SAMMSON: variants seen among roughly 807,000 people sequenced by gnomAD.
The protein encoded by SAMMSON is survival associated mitochondrial melanoma specific oncogenic non-coding RNA, also known as long intergenic non-protein coding RNA 1212.
chr3:70,206,717 GT>G, intron 4 of SAMMSON: 1 of 397,800 alleles, frequency 2.5e-6, no homozygotes, highest in Non-Finnish European at 4.4e-6. Flanking sequence ...TGATATTGAA[GT>G]CAGATACTGA....
chr3:70,253,510 T>G (rs1320047825), intron 6 of SAMMSON, among the ~76,000 whole-genome samples: 1 of 152,168 alleles, frequency 6.6e-6, no homozygotes, highest in Non-Finnish European at 1.5e-5. Context: ...TCCCAGCACT[T>G]TGGGAGGCCA....
chr3:70,177,447 G>A (rs1475128397), intron 4 of SAMMSON, among the ~76,000 whole-genome samples: 3 of 152,204 alleles, frequency 2.0e-5, no homozygotes, highest in Non-Finnish European at 4.4e-5. Flanking sequence ...TGAAAGGAGA[G>A]AGATACGACA....
At chr3:70,092,645 G>A (rs913588226) in intron 4 of SAMMSON, among the ~76,000 whole-genome samples, 8 of 151,856 alleles carry the variant, frequency 5.3e-5, no homozygotes, top group Admixed American at 2.6e-4. Flanking sequence ...GCATAAACTC[G>A]TTCTGTATTC....
chr3:70,309,939 G>C (rs1024049601), intron 7 of SAMMSON, among the ~76,000 whole-genome samples: 11 of 152,096 alleles, frequency 7.2e-5, no homozygotes, highest in Non-Finnish European at 1.0e-4. Flanking sequence ...GGAAACAATT[G>C]ATTGGCCTAT....
At chr3:70,105,326 C>A (rs2067363307) in intron 4 of SAMMSON, among the ~76,000 whole-genome samples, 1 of 152,170 alleles carries the variant, frequency 6.6e-6, no homozygotes, top group African/African-American at 2.4e-5. Context: ...TACCACCACA[C>A]AATAACTGTC....
At chr3:70,138,973 C>G (rs1253158272) in intron 4 of SAMMSON, among the ~76,000 whole-genome samples, 1 of 152,136 alleles carries the variant, frequency 6.6e-6, no homozygotes, top group African/African-American at 2.4e-5. Flanking sequence ...CCTCAAATTC[C>G]TAGGCTCAAG....
intron 5 of SAMMSON, chr3:70,249,477 A>G (rs1701739373): frequency 1.3e-5 from 2 of 152,112 alleles, no homozygotes; most frequent in Non-Finnish European, 2.9e-5. Context: ...GCAGGATACA[A>G]TTTCAATTTT....
chr3:70,052,845 C>T lies in SAMMSON; in HGVS notation n.418-18631C>T, dbSNP rs532670331. 3.9e-5 allele frequency among the ~76,000 whole-genome samples: 6 copies of T among 152,218 alleles called. 1 individual carries two copies. In the South Asian group the frequency reaches 1.2e-3, roughly 32 times the overall value. ...CAAAATTGCCCTCATTTGAGAAGCA[C>T]TGGCTTAGATTGATATATATGTATT... On this transcript the variant is annotated intron_variant and non_coding_transcript_variant, in intron 3 of 9. Coordinates refer to ENST00000642114, the Ensembl canonical transcript of SAMMSON.
intron 4 of SAMMSON, among the ~76,000 whole-genome samples, chr3:70,204,321 T>G (rs1319546359): frequency 6.6e-6 from 1 of 152,170 alleles, no homozygotes; most frequent in Non-Finnish European, 1.5e-5. Context: ...TCTCAATTTC[T>G]GCATCCTTAA....
intron 4 of SAMMSON, chr3:70,125,433 T>C: frequency 9.9e-7 from 1 of 1,014,890 alleles, no homozygotes; most frequent in Non-Finnish European, 1.5e-6. Context: ...ATTCTGTCCT[T>C]TTCCAATTCC....
chr3:70,208,429 G>A (rs940029974), intron 4 of SAMMSON, among the ~76,000 whole-genome samples: 5 of 152,022 alleles, frequency 3.3e-5, no homozygotes, highest in Admixed American at 1.3e-4. Flanking sequence ...ATGTCTAGTG[G>A]GTTCTGCTTT....
intron 4 of SAMMSON, among the ~76,000 whole-genome samples, chr3:70,200,017 G>A (rs1056904307): frequency 5.3e-5 from 8 of 151,998 alleles, no homozygotes; most frequent in African/African-American, 1.7e-4. Flanking sequence ...AGATGAATTC[G>A]GCAGAAACCT....
intron 8 of SAMMSON, among the ~76,000 whole-genome samples, chr3:70,357,405 T>C (rs1373633059): frequency 6.6e-6 from 1 of 152,308 alleles, no homozygotes; most frequent in East Asian, 1.9e-4. Context: ...TTATCATTTA[T>C]ATTTAGGGTT....
intron 4 of SAMMSON, among the ~76,000 whole-genome samples, chr3:70,147,838 C>T (rs2067555670): frequency 6.6e-6 from 1 of 151,948 alleles, no homozygotes; most frequent in Non-Finnish European, 1.5e-5. Context: ...CTCTGCAAAA[C>T]ACATTGTTAA....
chr3:70,312,218 A>C (rs1464144832), intron 7 of SAMMSON, among the ~76,000 whole-genome samples: 1 of 152,222 alleles, frequency 6.6e-6, no homozygotes, highest in Non-Finnish European at 1.5e-5. Flanking sequence ...ACAAGACCTT[A>C]CAATTTCTCA....
chr3:70,312,016 A>G, intron 7 of SAMMSON: 1 of 397,312 alleles, frequency 2.5e-6, no homozygotes, highest in Non-Finnish European at 4.4e-6. Flanking sequence ...TTCATTAAGA[A>G]CCCAAATTTA....
At chr3:70,234,492 T>C (rs1701589546) in intron 4 of SAMMSON, among the ~76,000 whole-genome samples, 1 of 151,650 alleles carries the variant, frequency 6.6e-6, no homozygotes, top group Non-Finnish European at 1.5e-5. Flanking sequence ...CTACAAAAAA[T>C]AGAATAATCA....
At chr3:70,364,054 C>T (rs1450526547) in intron 9 of SAMMSON, among the ~76,000 whole-genome samples, 2 of 151,812 alleles carry the variant, frequency 1.3e-5, no homozygotes, top group Non-Finnish European at 2.9e-5. Context: ...GCCCCCTTTC[C>T]TCCTAATACT....
rs1213054587 is a variant in SAMMSON at position 70,163,319 on chromosome 3, ATATT to A, written n.508-85787_508-85784del. Among the ~76,000 whole-genome samples, 13 of 147,856 alleles carry A rather than the reference ATATT, an allele frequency of 8.8e-5. No individual in the cohort carries two copies. The South Asian group carries it at 2.8e-3, about 32-fold the overall frequency. On this transcript the variant is annotated intron_variant and non_coding_transcript_variant, in intron 4 of 9. Transcript: ENST00000642114. The stretch of plus-strand genomic sequence containing the variant: ...TGACATATAAATCAGAACTATATAT[ATATT>A]ATCTATCCATCTATATAGAATATAT...
Sources: allele counts gnomAD v4.1 joint callset (sites outside exome capture counted in the v4.1 genomes callset), GRCh38; gene constraint gnomAD v4.1.1; transcripts MANE v1.5; gene names NCBI Gene and HGNC (gene_info 2026-07-23, HGNC 2026-07-21).